DNAJC17: variants seen among roughly 807,000 people sequenced by gnomAD.
DNAJC17 encodes DnaJ heat shock protein family (Hsp40) member C17.
DNAJC17 carries 35 observed loss-of-function variants against 48.1 expected under a neutral mutation model. The observed-to-expected ratio is 0.73, with a 90% CI of 0.56 to 0.96. The LOEUF is 0.96. Ranked by LOEUF, DNAJC17 falls within the 50% of genes least tolerant of loss-of-function variation. The pLI is 0.00. For missense variants in DNAJC17, 355 were observed against 377.1 expected, an observed-to-expected ratio of 0.94 and a Z score of 0.48; for synonymous variants, 117 against 142.7, an observed-to-expected ratio of 0.82 and a Z score of 1.28.
intron 6 of DNAJC17, among the ~76,000 whole-genome samples, chr15:40,775,862 C>A (rs932651986): frequency 1.3e-5 from 2 of 152,140 alleles, no homozygotes; most frequent in Admixed American, 6.6e-5. Flanking sequence ...TTTCTAGGGA[C>A]AGGAGGCAGA....
chr15:40,775,006 A>G, intron 8 of DNAJC17, 25 bp downstream of exon 8: 1 of 1,613,654 alleles, frequency 6.2e-7, no homozygotes, highest in South Asian at 1.1e-5. Flanking sequence ...GATGATAGGA[A>G]AGAGTGGACG....
At chr15:40,805,892 G>A (rs1027491228) in intron 1 of DNAJC17, among the ~76,000 whole-genome samples, 1 of 147,894 alleles carries the variant, frequency 6.8e-6, no homozygotes, top group African/African-American at 2.4e-5. Flanking sequence ...TGTAAACATA[G>A]AGCACTTAGA....
chr15:40,774,033 G>C (rs1466931329), intron 9 of DNAJC17, among the ~76,000 whole-genome samples, 196 bp from the exon 10 acceptor site: 2 of 152,232 alleles, frequency 1.3e-5, no homozygotes, highest in Admixed American at 1.3e-4. Context: ...TTCTGATGTG[G>C]GGAGGCGAGG....
chr15:40,800,273 G>A (rs1267045186), intron 1 of DNAJC17, among the ~76,000 whole-genome samples: 2 of 152,066 alleles, frequency 1.3e-5, no homozygotes, highest in Non-Finnish European at 2.9e-5. Context: ...TCACCATGTT[G>A]GGCAGGCTGG....
In DNAJC17 at chr15:40,775,126, T is replaced by C. The variant is rs145731701; in HGVS notation, c.523-18A>G. 63 of 1,613,482 alleles carry C rather than the reference T, an allele frequency of 3.9e-5. No homozygotes were observed. Among genetic ancestry groups the C allele is most frequent in the Non-Finnish European group, 5.2e-5 (61 of 1,179,564 alleles). Reference sequence around the variant, plus strand: ...CATTTTAGCTGAAAAGAGAGCCTCATGAAACACTGATTCTTGGCTGAACAG... The same window carrying C: ...CATTTTAGCTGAAAAGAGAGCCTCACGAAACACTGATTCTTGGCTGAACAG... On this transcript the variant is annotated intron_variant, in intron 7 of 10. Coordinates refer to ENST00000220496, the MANE Select transcript of DNAJC17 (RefSeq NM_018163.3).
At chr15:40,805,867 T>TA (rs1228679056) in intron 1 of DNAJC17, among the ~76,000 whole-genome samples, 1 of 151,516 alleles carries the variant, frequency 6.6e-6, no homozygotes, top group Non-Finnish European at 1.5e-5. Context: ...ATAAAGAATT[T>TA]AAAAAATAAT....
At chr15:40,783,747 C>G (rs1889565877) in intron 1 of DNAJC17, among the ~76,000 whole-genome samples, 1 of 151,980 alleles carries the variant, frequency 6.6e-6, no homozygotes, top group African/African-American at 2.4e-5. Context: ...CTTGTAATCT[C>G]AGCTATGGGG....
intron 8 of DNAJC17, 88 bp from the exon 9 acceptor site, chr15:40,774,524 G>T: frequency 7.1e-7 from 1 of 1,408,120 alleles, no homozygotes; most frequent in Non-Finnish European, 1.0e-6. Flanking sequence ...CTACCTTGAG[G>T]CCCATGGGGC....
chr15:40,778,448 T>A (rs1889389307), intron 4 of DNAJC17, among the ~76,000 whole-genome samples: 1 of 152,094 alleles, frequency 6.6e-6, no homozygotes, highest in Non-Finnish European at 1.5e-5. Context: ...AGAAGGGGTT[T>A]CACCATCTTG....
chr15:40,774,302 C>T, intron 9 of DNAJC17, 54 bp downstream of exon 9: 1 of 1,598,238 alleles, frequency 6.3e-7, no homozygotes, highest in Non-Finnish European at 8.6e-7. Flanking sequence ...AATTGGGTCC[C>T]TGCCCTAGAA....
chr15:40,778,997 AGGGACAATAAG>A, intron 4 of DNAJC17: 2 of 575,022 alleles, frequency 3.5e-6, no homozygotes, highest in Non-Finnish European at 6.3e-6. Context: ...TGATAATTAA[AGGGACAATAAG>A]GCATTTGTCA....
chr15:40,792,550 C>T (rs1427042911), intron 1 of DNAJC17: 12 of 985,096 alleles, frequency 1.2e-5, no homozygotes, highest in Non-Finnish European at 1.3e-5. Context: ...CATGCTGACT[C>T]ATGCCTGTAA....
chr15:40,768,155 A>G, intron 10 of DNAJC17, 93 bp from the exon 11 acceptor site: 2 of 1,417,894 alleles, frequency 1.4e-6, no homozygotes, highest in Non-Finnish European at 1.8e-6. Flanking sequence ...GCTGCGTTCT[A>G]AGAGTCTCGG....
At chr15:40,788,161 G>A (rs1416450489) in intron 1 of DNAJC17, among the ~76,000 whole-genome samples, 2 of 152,188 alleles carry the variant, frequency 1.3e-5, no homozygotes, top group Non-Finnish European at 2.9e-5. Flanking sequence ...CCCCAAGCCC[G>A]GAGAGGCAGA....
At chr15:40,774,709 C>A (rs1183369523) in intron 8 of DNAJC17, among the ~76,000 whole-genome samples, 2 of 152,230 alleles carry the variant, frequency 1.3e-5, no homozygotes, top group Admixed American at 6.5e-5. Context: ...GCTAGTTGAA[C>A]GTGGTGAAAA....
chr15:40,789,478 C>A (rs552352532), intron 1 of DNAJC17, among the ~76,000 whole-genome samples: 1 of 152,112 alleles, frequency 6.6e-6, no homozygotes, highest in Middle Eastern at 3.4e-3. Context: ...CCACCTCCTC[C>A]CTTTTAACCT....
In DNAJC17 at chr15:40,803,904, C is replaced by T. The variant is rs184547296; in HGVS notation, c.78+3465G>A. On this transcript the variant is annotated intron_variant, in intron 1 of 10. Transcript: ENST00000220496. ...TTGCCTAGACACCAGCCCCATCTGA[C>T]CCCCTAGTGGCAGCTCTTCCATTCC... Among the ~76,000 whole-genome samples, 22 of 152,220 alleles carry T rather than the reference C, an allele frequency of 1.4e-4. 1 individual carries two copies. In the East Asian group the frequency reaches 3.9e-3, roughly 27 times the overall value.
intron 1 of DNAJC17, among the ~76,000 whole-genome samples, chr15:40,789,612 T>A (rs535802544): frequency 1.3e-5 from 2 of 151,952 alleles, no homozygotes; most frequent in East Asian, 3.9e-4. Flanking sequence ...CACTCTTAAC[T>A]CCTAGAGGCC....
chr15:40,807,139 G>C, intron 1 of DNAJC17: 1 of 1,088,242 alleles, frequency 9.2e-7, no homozygotes, highest in Non-Finnish European at 1.3e-6. Flanking sequence ...GCCACGGGGA[G>C]AGCACAGCCA....
Sources: allele counts gnomAD v4.1 joint callset (sites outside exome capture counted in the v4.1 genomes callset), GRCh38; gene constraint gnomAD v4.1.1; transcripts MANE v1.5; gene names NCBI Gene and HGNC (gene_info 2026-07-23, HGNC 2026-07-21).